VTI1A: variants seen among roughly 807,000 people sequenced by gnomAD.
VTI1A encodes vesicle transport through interaction with t-SNAREs homolog 1A.
In VTI1A, 22 loss-of-function variants were observed where a neutral mutation model predicts 34.9. The ratio of observed to expected loss-of-function variants is 0.63; its 90% confidence interval spans 0.45 to 0.90. VTI1A has a LOEUF of 0.90. Among genes scored for constraint, VTI1A ranks in the 40% least tolerant of loss-of-function variants. The pLI is 0.00. For missense variants in VTI1A, 268 were observed against 275.6 expected, an observed-to-expected ratio of 0.97 and a Z score of 0.20; for synonymous variants, 87 against 97.3, an observed-to-expected ratio of 0.89 and a Z score of 0.62.
At chr10:112,764,965 A>T (rs1237274072) in intron 7 of VTI1A, among the ~76,000 whole-genome samples, 3 of 152,190 alleles carry the variant, frequency 2.0e-5, no homozygotes, top group Non-Finnish European at 4.4e-5. Flanking sequence ...TACATTTTCA[A>T]AATGATGACA....
intron 7 of VTI1A, among the ~76,000 whole-genome samples, chr10:112,740,281 A>ACTTT (rs60235413): frequency 0.025 from 3,726 of 151,952 alleles, 135 homozygotes; most frequent in African/African-American, 0.084. Context: ...CCCTGTGAAC[A>ACTTT]CTTTCTTTCT....
At chr10:112,555,809 T>G (rs900283805) in intron 5 of VTI1A, among the ~76,000 whole-genome samples, 1 of 152,050 alleles carries the variant, frequency 6.6e-6, no homozygotes, top group Admixed American at 6.6e-5. Flanking sequence ...CATGTCTAGA[T>G]CAACATTTTA....
chr10:112,630,572 A>G (rs989278337), intron 5 of VTI1A, among the ~76,000 whole-genome samples: 5 of 152,218 alleles, frequency 3.3e-5, no homozygotes, highest in African/African-American at 1.2e-4. Flanking sequence ...ATAATTGGCT[A>G]TAACTGTATA....
intron 5 of VTI1A, among the ~76,000 whole-genome samples, chr10:112,573,180 T>C (rs887534612): frequency 6.6e-6 from 1 of 152,190 alleles, no homozygotes; most frequent in Non-Finnish European, 1.5e-5. Flanking sequence ...ATTGGAGCAG[T>C]ATTCAGCCCA....
At chr10:112,534,207 G>A (rs772822803) in intron 4 of VTI1A, among the ~76,000 whole-genome samples, 1 of 152,056 alleles carries the variant, frequency 6.6e-6, no homozygotes, top group Non-Finnish European at 1.5e-5. Flanking sequence ...ATTTTTTTGT[G>A]TGTGGCTCAG....
intron 5 of VTI1A, among the ~76,000 whole-genome samples, chr10:112,613,990 A>G (rs575947504): frequency 6.6e-6 from 1 of 152,090 alleles, no homozygotes; most frequent in African/African-American, 2.4e-5. Flanking sequence ...CCCATTCAGC[A>G]GTCTCTAGAA....
chr10:112,553,502 C>A (rs1851438543), intron 5 of VTI1A, among the ~76,000 whole-genome samples: 1 of 152,110 alleles, frequency 6.6e-6, no homozygotes, highest in African/African-American at 2.4e-5. Flanking sequence ...ACAAATAAAC[C>A]CCAGTCGCCC....
At chr10:112,730,620 C>T (rs1850217310) in intron 7 of VTI1A, among the ~76,000 whole-genome samples, 3 of 151,652 alleles carry the variant, frequency 2.0e-5, no homozygotes, top group Non-Finnish European at 4.4e-5. Context: ...TCTTTCTTCC[C>T]TCTTTTTTCT....
rs151098525 is a variant in VTI1A at position 112,774,925 on chromosome 10, C to G, written c.561-40365C>G. Among the ~76,000 whole-genome samples, 229 of 152,278 alleles carry G rather than the reference C, an allele frequency of 1.5e-3. 1 individual carries two copies. The highest frequency in any genetic ancestry group is 5.3e-3 in the African/African-American group (222 of 41,550). ...TTCACAGGAGTGTGTTAACATGCAA[C>G]AGGGCTGACATATCCCAGGCTAGAC... is the stretch of plus-strand genomic sequence containing the variant. On this transcript the variant is annotated intron_variant, in intron 7 of 7. Coordinates refer to ENST00000393077, the MANE Select transcript of VTI1A (RefSeq NM_145206.4).
intron 5 of VTI1A, among the ~76,000 whole-genome samples, chr10:112,660,047 C>T (rs1847386022): frequency 6.6e-6 from 1 of 152,116 alleles, no homozygotes; most frequent in African/African-American, 2.4e-5. Flanking sequence ...CTTATTTGGC[C>T]CCGTGCTCTA....
intron 7 of VTI1A, among the ~76,000 whole-genome samples, chr10:112,697,399 C>CTTT (rs57723783): frequency 1.6e-4 from 18 of 114,034 alleles, no homozygotes; most frequent in African/African-American, 7.4e-4. Context: ...CTTTTCTTTT[C>CTTT]TTTTTTTTTT....
At chr10:112,462,331 C>T (rs1847754271) in intron 2 of VTI1A, among the ~76,000 whole-genome samples, 1 of 152,228 alleles carries the variant, frequency 6.6e-6, no homozygotes, top group Non-Finnish European at 1.5e-5. Flanking sequence ...GGAACAAGTG[C>T]ACATTAGCCT....
intron 7 of VTI1A, among the ~76,000 whole-genome samples, chr10:112,761,630 A>C (rs1394101397): frequency 2.0e-5 from 3 of 152,144 alleles, no homozygotes; most frequent in Non-Finnish European, 4.4e-5. Flanking sequence ...CTAAGTTAAA[A>C]TCCAGTTTTA....
At chr10:112,715,078 T>G (rs1250196951) in intron 7 of VTI1A, among the ~76,000 whole-genome samples, 1 of 152,328 alleles carries the variant, frequency 6.6e-6, no homozygotes, top group Middle Eastern at 3.4e-3. Context: ...TTTTTTCTTA[T>G]AGTCATTTTT....
At chr10:112,744,891 G>T (rs984277336) in intron 7 of VTI1A, among the ~76,000 whole-genome samples, 1 of 152,134 alleles carries the variant, frequency 6.6e-6, no homozygotes, top group African/African-American at 2.4e-5. Context: ...GATATCCAGG[G>T]GTAGAACAGG....
chr10:112,608,116 C>T (rs1205215230), intron 5 of VTI1A, among the ~76,000 whole-genome samples: 1 of 152,196 alleles, frequency 6.6e-6, no homozygotes, highest in Non-Finnish European at 1.5e-5. Context: ...TACCACAGAA[C>T]TCTACTGTAA....
intron 5 of VTI1A, among the ~76,000 whole-genome samples, chr10:112,556,142 A>G (rs1851535513): frequency 9.0e-6 from 1 of 111,270 alleles, no homozygotes; most frequent in Non-Finnish European, 2.0e-5. Flanking sequence ...GAGGTTTCGC[A>G]TACACTTTTC....
chr10:112,531,493 A>G (rs1006706039), intron 4 of VTI1A, among the ~76,000 whole-genome samples: 17 of 152,000 alleles, frequency 1.1e-4, no homozygotes, highest in African/African-American at 3.9e-4. Flanking sequence ...AAAAAAAAAA[A>G]AAAGAAAAAA....
At chr10:112,618,516 T>TAGAGAGAGAGAG (rs1295144968) in intron 5 of VTI1A, among the ~76,000 whole-genome samples, 1,192 of 46,118 alleles carry the variant, frequency 0.026, 23 homozygotes, top group Non-Finnish European at 0.031. Flanking sequence ...TATATATATA[T>TAGAGAGAGAGAG]ATATATATAG....
Sources: gnomAD v4.1 joint callset for allele counts (sites outside exome capture counted in the v4.1 genomes callset) on GRCh38, gnomAD v4.1.1 for gene constraint, MANE v1.5 for transcripts, NCBI Gene and HGNC (gene_info 2026-07-23, HGNC 2026-07-21) for gene names.